Variants in PDE10A observed in about 807,000 individuals in gnomAD.
The protein encoded by PDE10A is phosphodiesterase 10A, also known as cAMP and cAMP-inhibited cGMP 3',5'-cyclic phosphodiesterase 10A.
In PDE10A, 39 loss-of-function variants were observed where a neutral mutation model predicts 97.7. The observed-to-expected ratio is 0.40, with a 90% confidence interval of 0.31 to 0.52. PDE10A has a LOEUF of 0.52. Ranked by LOEUF, PDE10A falls within the 20% of genes least tolerant of loss-of-function variation. The pLI is 0.56. For missense variants in PDE10A, 731 were observed against 1,047.8 expected, an observed-to-expected ratio of 0.70 and a Z score of 4.17; for synonymous variants, 371 against 376.8, an observed-to-expected ratio of 0.98 and a Z score of 0.18.
Position 165,543,489 on chromosome 6 carries a change from A to C in PDE10A, c.945T>G (p.Ser315Arg), listed in dbSNP as rs201766103. The change falls in exon 2 of 22, where the codon AGT becomes AGG. Residue 315 changes from serine (S) to arginine (R), a missense_variant. Around this residue, in one of 8 missense-constraint regions of PDE10A, gnomAD observed 181 missense variants for 159.1 expected, o/e 1.14. Coordinates refer to ENST00000539869, the MANE Select transcript of PDE10A (RefSeq NM_001385079.1). ...VLDEFVSESVSAETVEKWLKR... is the reference protein window; with the variant it reads ...VLDEFVSESVRAETVEKWLKR... ...TCAGCCATTTCTCTACTGTCTCTGC[A>C]CTAACACTTTCAGATACAAATTCAT... 9 of 1,613,218 alleles carry C rather than the reference A, an allele frequency of 5.6e-6. No individual in the cohort carries two copies.
intron 1 of PDE10A, among the ~76,000 whole-genome samples, chr6:165,870,176 G>A (rs769020178): frequency 6.6e-6 from 1 of 152,180 alleles, no homozygotes; most frequent in Non-Finnish European, 1.5e-5. Flanking sequence ...TGGAATGGGA[G>A]AGAAAATATT....
intron 1 of PDE10A, among the ~76,000 whole-genome samples, chr6:165,889,590 G>A (rs1302597640): frequency 6.6e-6 from 1 of 152,140 alleles, no homozygotes; most frequent in Non-Finnish European, 1.5e-5. Context: ...CCAGGCACAC[G>A]TTAGAAAATG....
At chr6:165,724,128 C>G (rs955509866) in intron 1 of PDE10A, among the ~76,000 whole-genome samples, 1 of 152,186 alleles carries the variant, frequency 6.6e-6, no homozygotes, top group Non-Finnish European at 1.5e-5. Flanking sequence ...ACAGACAGGG[C>G]ACACACTGGG....
In PDE10A at chr6:165,627,597, G is replaced by A. The variant is rs551521643; in HGVS notation, c.865+34350C>T. On this transcript the variant is annotated intron_variant, in intron 1 of 21. Coordinates refer to ENST00000539869, the MANE Select transcript of PDE10A (RefSeq NM_001385079.1). ...AAGCTGCCGTGACTTGGGGGAAGAG[G>A]GACAAACAGCCTGGGAAGTGGGAGT... 3.0e-4 allele frequency among the ~76,000 whole-genome samples: 46 copies of A among 152,262 alleles called. 1 individual carries two copies. Among genetic ancestry groups the A allele is most frequent in the African/African-American group, 8.9e-4 (37 of 41,548 alleles).
intron 1 of PDE10A, among the ~76,000 whole-genome samples, chr6:165,896,593 C>T (rs562076881): frequency 6.8e-6 from 1 of 146,302 alleles, no homozygotes; most frequent in African/African-American, 2.5e-5. Context: ...GGCGCAATCT[C>T]GGCTCACTGC....
intron 1 of PDE10A, among the ~76,000 whole-genome samples, chr6:165,832,617 G>T (rs182694671): frequency 1.3e-5 from 2 of 152,156 alleles, no homozygotes; most frequent in African/African-American, 2.4e-5. Context: ...TAAACAACCC[G>T]CAGTATCAGC....
At chr6:165,732,746 A>C (rs975022305) in intron 1 of PDE10A, among the ~76,000 whole-genome samples, 2 of 152,206 alleles carry the variant, frequency 1.3e-5, no homozygotes, top group African/African-American at 4.8e-5. Context: ...AAAATCTCCC[A>C]ACAGTAGCTC....
intron 2 of PDE10A, among the ~76,000 whole-genome samples, chr6:165,533,245 T>C (rs1782888915): frequency 6.6e-6 from 1 of 152,212 alleles, no homozygotes; most frequent in Admixed American, 6.5e-5. Flanking sequence ...TACAGTAATA[T>C]GTCACTTAAT....
rs868677321 is a variant in PDE10A, at chr6:165,422,249, C to T, written c.1654-3472G>A. ...CATCAGGTCAATCTAAAAGCCACCCCTACTCCCTTATACACACACATACGC... is the reference window on the plus strand; with the variant it reads ...CATCAGGTCAATCTAAAAGCCACCCTTACTCCCTTATACACACACATACGC... On this transcript the variant is annotated intron_variant, in intron 10 of 21. Transcript: ENST00000539869. Among the ~76,000 whole-genome samples, 20 of 152,054 alleles carry T rather than the reference C, an allele frequency of 1.3e-4. 1 individual carries two copies. The highest frequency in any genetic ancestry group is 3.4e-3 in the Middle Eastern group (1 of 294).
chr6:165,501,622 A>G (rs966371882), intron 2 of PDE10A, among the ~76,000 whole-genome samples: 12 of 152,166 alleles, frequency 7.9e-5, no homozygotes, highest in Admixed American at 7.9e-4. Context: ...ACTAGAATGA[A>G]TATGTGAGTT....
chr6:165,366,605 T>C (rs1783784670), intron 18 of PDE10A, among the ~76,000 whole-genome samples: 1 of 152,190 alleles, frequency 6.6e-6, no homozygotes. Flanking sequence ...GCTCTTCTCC[T>C]AAGGGCATGT....
intron 1 of PDE10A, among the ~76,000 whole-genome samples, chr6:165,856,460 C>T (rs7773730): frequency 0.021 from 3,241 of 152,234 alleles, 106 homozygotes; most frequent in African/African-American, 0.072. Flanking sequence ...TTACACTTGG[C>T]CTGGAATTCC....
chr6:165,655,151 C>T lies in PDE10A; in HGVS notation c.865+6796G>A, dbSNP rs1583725448. ...CCCAGCTATGGTTGATTAACCAACTCCGTCTGTATTTCCCTCAGAGTCAAA... is the reference window on the plus strand; with the variant it reads ...CCCAGCTATGGTTGATTAACCAACTTCGTCTGTATTTCCCTCAGAGTCAAA... On this transcript the variant is annotated intron_variant, in intron 1 of 21. Coordinates refer to ENST00000539869, the MANE Select transcript of PDE10A (RefSeq NM_001385079.1). This position sits in a 1 kb window ranked among gnomAD's most constrained non-coding sequence, Gnocchi z 4.5. Among the ~76,000 whole-genome samples the T allele has an allele frequency of 6.6e-6, 1 of 152,176 alleles. No individual in the cohort carries two copies. Among genetic ancestry groups the T allele is most frequent in the Non-Finnish European group, 1.5e-5 (1 of 68,028 alleles).
At chr6:165,698,451 A>G (rs1456468333) in intron 1 of PDE10A, among the ~76,000 whole-genome samples, 1 of 152,240 alleles carries the variant, frequency 6.6e-6, no homozygotes, top group Non-Finnish European at 1.5e-5. Flanking sequence ...TAAATGTGAG[A>G]TGTGGCCTAG....
At chr6:165,693,045 A>G (rs1791346978) in intron 1 of PDE10A, among the ~76,000 whole-genome samples, 1 of 152,216 alleles carries the variant, frequency 6.6e-6, no homozygotes, top group Non-Finnish European at 1.5e-5. Context: ...TATCAGTGCT[A>G]GGTGTCACAT....
At chr6:165,958,557 GAAAGAAAGACAGACAGAAAGAAAGAC>G (rs1784232828) in intron 1 of PDE10A, among the ~76,000 whole-genome samples, 1 of 19,670 alleles carries the variant, frequency 5.1e-5, no homozygotes, top group African/African-American at 2.0e-4. Context: ...AAGAAAGAAA[GAAAGAAAGACAGACAGAAAGAAAGAC>G]AGAAAGAGAG....
intron 1 of PDE10A, among the ~76,000 whole-genome samples, chr6:165,602,801 TAAG>T (rs1196339622): frequency 1.3e-5 from 2 of 152,076 alleles, no homozygotes; most frequent in African/African-American, 2.4e-5. Flanking sequence ...TGATAGTTTA[TAAG>T]AAGACGGCCA....
At chr6:165,872,322 T>C (rs1430530378) in intron 1 of PDE10A, among the ~76,000 whole-genome samples, 1 of 152,146 alleles carries the variant, frequency 6.6e-6, no homozygotes, top group Non-Finnish European at 1.5e-5. Context: ...TTATTAACCT[T>C]GTAGCAAGGA....
intron 1 of PDE10A, among the ~76,000 whole-genome samples, chr6:165,958,747 G>GAAGAAAGAAAGAA (rs10654760): frequency 9.4e-6 from 1 of 106,134 alleles, no homozygotes; most frequent in African/African-American, 3.4e-5. Flanking sequence ...AAGAAAGAAA[G>GAAGAAAGAAAGAA]AGAAAGAAAG....
Sources: allele counts gnomAD v4.1 joint callset (sites outside exome capture counted in the v4.1 genomes callset), GRCh38; gene constraint gnomAD v4.1.1; regional missense constraint gnomAD v4.1.1; non-coding constraint Gnocchi (gnomAD v3.1); transcripts MANE v1.5; gene names NCBI Gene and HGNC (gene_info 2026-07-23, HGNC 2026-07-21).